The following SPTLC3 variants were observed in gnomAD, a reference collection of about 807,000 sequenced individuals.
SPTLC3 encodes serine palmitoyltransferase long chain base subunit 3, also known as serine palmitoyltransferase 3.
A neutral mutation model predicts 59.3 loss-of-function variants in SPTLC3; 36 were observed. The observed-to-expected ratio is 0.61, with a 90% CI of 0.47 to 0.80. The LOEUF is 0.80. Ranked by LOEUF, SPTLC3 falls within the 30% of genes least tolerant of loss-of-function variation. The pLI, the probability that SPTLC3 is intolerant of heterozygous loss-of-function variation, is 0.00. For missense variants in SPTLC3, 625 were observed against 685.1 expected (o/e 0.91, Z 0.98); for synonymous variants, 257 against 240.8 (o/e 1.07, Z -0.62).
chr20:13,066,351 T>C (rs1276874767), intron 2 of SPTLC3, among the ~76,000 whole-genome samples: 3 of 152,214 alleles, frequency 2.0e-5, no homozygotes, highest in Non-Finnish European at 4.4e-5. Flanking sequence ...TTTTGGCTCC[T>C]TTGTCGAAGA....
At chr20:13,139,596 G>C (rs570224199) in intron 9 of SPTLC3, among the ~76,000 whole-genome samples, 2 of 152,286 alleles carry the variant, frequency 1.3e-5, no homozygotes, top group African/African-American at 4.8e-5. Context: ...AAGGCACATT[G>C]CATTTCTGCC....
intron 1 of SPTLC3, among the ~76,000 whole-genome samples, chr20:13,030,606 A>G (rs957861609): frequency 3.9e-5 from 6 of 152,134 alleles, no homozygotes; most frequent in African/African-American, 1.2e-4. Flanking sequence ...CATTCATTAA[A>G]TATTTACTGG....
At chr20:13,117,304 A>G (rs572432137) in intron 7 of SPTLC3, among the ~76,000 whole-genome samples, 33 of 152,370 alleles carry the variant, frequency 2.2e-4, no homozygotes, top group African/African-American at 7.7e-4. Flanking sequence ...CATTGAATGT[A>G]AATTATTTTA....
At chr20:13,113,403 G>C (rs1014311) in intron 7 of SPTLC3, among the ~76,000 whole-genome samples, 114,310 of 151,940 alleles carry the variant, frequency 0.75, 44,127 homozygotes, top group African/African-American at 0.94. Context: ...ACATACATCA[G>C]CACAGAGCCC....
intron 11 of SPTLC3, among the ~76,000 whole-genome samples, chr20:13,162,687 A>G (rs1350529797): frequency 6.6e-6 from 1 of 152,188 alleles, no homozygotes; most frequent in Non-Finnish European, 1.5e-5. Context: ...TCATTCACCA[A>G]TAACAACTCT....
rs894353844 is a variant in SPTLC3, at chr20:13,102,307, C to T, written c.827-7805C>T. On this transcript the variant is annotated intron_variant, in intron 6 of 11. Coordinates refer to ENST00000399002, the MANE Select transcript of SPTLC3 (RefSeq NM_018327.4). Reference sequence around the variant, plus strand: ...TGATAATTAAAAGGTATTGAGCCTTCATTGTAATGAGCCATTTACATTCAC... The same window carrying T: ...TGATAATTAAAAGGTATTGAGCCTTTATTGTAATGAGCCATTTACATTCAC... Among the ~76,000 whole-genome samples, 9 of 151,966 alleles carry T rather than the reference C, an allele frequency of 5.9e-5. 1 individual carries two copies. The highest frequency in any genetic ancestry group is 2.2e-4 in the African/African-American group (9 of 41,354).
chr20:13,018,422 T>G (rs1280481606), intron 1 of SPTLC3, among the ~76,000 whole-genome samples: 1 of 152,184 alleles, frequency 6.6e-6, no homozygotes, highest in East Asian at 1.9e-4. Context: ...GACTGTATGC[T>G]TAAGCCCTTA....
intron 1 of SPTLC3, among the ~76,000 whole-genome samples, chr20:13,038,516 C>G (rs1049888130): frequency 2.6e-5 from 4 of 152,090 alleles, no homozygotes; most frequent in Admixed American, 6.6e-5. Flanking sequence ...TCTGTAAGAA[C>G]AGCAGCAATG....
intron 8 of SPTLC3, among the ~76,000 whole-genome samples, chr20:13,120,656 T>C (rs890656615): frequency 6.6e-6 from 1 of 152,226 alleles, no homozygotes; most frequent in Non-Finnish European, 1.5e-5. Flanking sequence ...ATGAGACATG[T>C]AATGAAACAC....
Position 13,167,557 on chromosome 20 carries a change from C to T in SPTLC3, c.*2690C>T, listed in dbSNP as rs1192253094. 6.6e-6 allele frequency: 1 copy of T among 152,106 alleles called. No homozygotes were observed. Among genetic ancestry groups the T allele is most frequent in the Non-Finnish European group, 1.5e-5 (1 of 68,022 alleles). The allele number at this position is 152,106 out of a possible 1,614,324, so 9.4% of individuals were successfully genotyped here. On this transcript the variant is annotated 3_prime_UTR_variant, in exon 12 of 12. Coordinates refer to ENST00000399002, the MANE Select transcript of SPTLC3 (RefSeq NM_018327.4). Reference sequence around the variant, plus strand: ...AAATGGAAGATGTTCTTGAAAATGACCTCAGGAAAGCAGAAGATAAAGGTT... The same window carrying T: ...AAATGGAAGATGTTCTTGAAAATGATCTCAGGAAAGCAGAAGATAAAGGTT...
chr20:13,044,191 C>T (rs562226779), intron 1 of SPTLC3, among the ~76,000 whole-genome samples: 8 of 151,856 alleles, frequency 5.3e-5, no homozygotes, highest in East Asian at 1.9e-4. Flanking sequence ...CCTCTGCCTC[C>T]TGGGTTCAAG....
In SPTLC3 at chr20:13,082,615, C is replaced by G. The variant is rs549770909; in HGVS notation, c.607+8118C>G. On this transcript the variant is annotated intron_variant, in intron 4 of 11. Coordinates refer to ENST00000399002, the MANE Select transcript of SPTLC3 (RefSeq NM_018327.4). ...CAGAGTTGAATAGTTGCAACAACAA[C>G]CATATGGCCTGCAAAGCCCAAAACA... Among the ~76,000 whole-genome samples, 16 of 152,288 alleles carry G rather than the reference C, an allele frequency of 1.1e-4. No individual in the cohort carries two copies. In the South Asian group the frequency reaches 3.3e-3, roughly 32 times the overall value.
chr20:13,060,503 A>C (rs183420907), intron 2 of SPTLC3, among the ~76,000 whole-genome samples: 168 of 151,722 alleles, frequency 1.1e-3, no homozygotes, highest in Admixed American at 1.9e-3. Context: ...TGTTACATAG[A>C]TATATTGTGT....
intron 6 of SPTLC3, among the ~76,000 whole-genome samples, chr20:13,100,899 C>T (rs889619581): frequency 5.3e-5 from 8 of 152,148 alleles, no homozygotes; most frequent in African/African-American, 1.9e-4. Flanking sequence ...TTTGCTTCCC[C>T]CAGCAGCAGA....
intron 4 of SPTLC3, among the ~76,000 whole-genome samples, chr20:13,077,412 C>T (rs989729832): frequency 6.6e-6 from 1 of 151,912 alleles, no homozygotes; most frequent in African/African-American, 2.4e-5. Flanking sequence ...AACCTTAAAA[C>T]ATATTACCAC....
At chr20:13,009,483 A>G (rs948079706) in intron 1 of SPTLC3, 99 bp downstream of exon 1, 1 of 1,128,372 alleles carries the variant, frequency 8.9e-7, no homozygotes, top group Non-Finnish European at 1.3e-6. Context: ...AGTTCATCTT[A>G]TGAAGGGTTT....
intron 2 of SPTLC3, among the ~76,000 whole-genome samples, chr20:13,065,652 C>T (rs1988174284): frequency 1.3e-5 from 2 of 151,646 alleles, no homozygotes; most frequent in Admixed American, 1.3e-4. Context: ...CTGATTCCTG[C>T]CATATTTTTT....
At chr20:13,107,009 G>A (rs1208408913) in intron 6 of SPTLC3, among the ~76,000 whole-genome samples, 1 of 152,202 alleles carries the variant, frequency 6.6e-6, no homozygotes, top group Non-Finnish European at 1.5e-5. Context: ...GGCCAGTAAT[G>A]TAGTCTGCAG....
At chr20:13,036,353 TTCC>T (rs545955234) in intron 1 of SPTLC3, among the ~76,000 whole-genome samples, 49 of 151,496 alleles carry the variant, frequency 3.2e-4, no homozygotes, top group East Asian at 2.1e-3. Context: ...ACCTCTTCTC[TTCC>T]TCCTCCTCCT....
Sources: allele counts gnomAD v4.1 joint callset (sites outside exome capture counted in the v4.1 genomes callset), GRCh38; gene constraint gnomAD v4.1.1; transcripts MANE v1.5; gene names NCBI Gene and HGNC (gene_info 2026-07-23, HGNC 2026-07-21).